The following ERBIN variants were observed in gnomAD, a reference collection of about 807,000 sequenced individuals.
The protein encoded by ERBIN is densin-180-like protein.
Under a neutral mutation model 158.4 loss-of-function variants are expected in ERBIN, and 60 were observed. That is an observed-to-expected ratio of 0.38 (90% CI 0.31 to 0.47). The LOEUF (loss-of-function observed/expected upper bound fraction) is 0.47, where lower values mean the gene tolerates loss of function less well. Ranked by LOEUF, ERBIN falls within the 20% of genes least tolerant of loss-of-function variation. The pLI is 0.99. For missense variants in ERBIN, 1,610 were observed against 1,648.0 expected, an observed-to-expected ratio of 0.98 and a Z score of 0.40; for synonymous variants, 594 against 557.2, an observed-to-expected ratio of 1.07 and a Z score of -0.93.
intron 1 of ERBIN, among the ~76,000 whole-genome samples, chr5:65,947,808 A>G (rs1272490070): frequency 1.3e-5 from 2 of 152,162 alleles, no homozygotes; most frequent in East Asian, 3.9e-4. Context: ...GGAGTTTGAA[A>G]CCAACCTGGC....
At chr5:66,077,277 A>G (rs1459448728) in intron 25 of ERBIN, among the ~76,000 whole-genome samples, 1 of 152,132 alleles carries the variant, frequency 6.6e-6, no homozygotes, top group Non-Finnish European at 1.5e-5. Context: ...CCTTTCAGAA[A>G]TGGAGAAGAA....
intron 21 of ERBIN, among the ~76,000 whole-genome samples, chr5:66,066,152 T>A (rs1001112233): frequency 1.9e-4 from 29 of 152,176 alleles, no homozygotes; most frequent in Admixed American, 1.8e-3. Context: ...TGCTTATTCA[T>A]TAGATGGTGT....
At chr5:66,018,452 T>C (rs1412746355) in intron 7 of ERBIN, among the ~76,000 whole-genome samples, 1 of 30,372 alleles carries the variant, frequency 3.3e-5, no homozygotes, top group Non-Finnish European at 6.2e-5. Context: ...ATATAATATA[T>C]ATTATATTAT....
chr5:65,928,349 T>C (rs1207337877), intron 1 of ERBIN, among the ~76,000 whole-genome samples: 1 of 152,218 alleles, frequency 6.6e-6, no homozygotes, highest in African/African-American at 2.4e-5. Flanking sequence ...TCATCTACTT[T>C]ATGATTTTGG....
intron 7 of ERBIN, among the ~76,000 whole-genome samples, chr5:66,020,772 A>G (rs1385767639): frequency 1.3e-5 from 2 of 152,026 alleles, no homozygotes; most frequent in African/African-American, 2.4e-5. Context: ...TTTATTTAAA[A>G]TAAATGTCAA....
At position 66,028,169 on chromosome 5, in the gene ERBIN, G is replaced by C. The variant is rs116458506; in HGVS notation, c.1137-105G>C. The stretch of plus-strand genomic sequence containing the variant: ...CGATTTTTTTTTCTCCTATTTTCAT[G>C]TGCAACTATATAGCATTTTTCAGAA... On this transcript the variant is annotated intron_variant, in intron 13 of 25. Coordinates refer to ENST00000284037, the MANE Select transcript of ERBIN (RefSeq NM_001253697.2). 18 of 651,642 alleles carry C rather than the reference G, an allele frequency of 2.8e-5. No individual in the cohort carries two copies. The East Asian group carries it at 5.2e-4, about 19-fold the overall frequency. 40.4% of individuals were successfully genotyped at this position (651,642 alleles called of 1,614,324 possible).
chr5:66,072,511 T>C (rs561262423), intron 22 of ERBIN, among the ~76,000 whole-genome samples: 111 of 152,332 alleles, frequency 7.3e-4, no homozygotes, highest in African/African-American at 2.5e-3. Context: ...GAGAATTATT[T>C]TATTTTTGCA....
chr5:66,056,021 C>T (rs1199852611), intron 21 of ERBIN, among the ~76,000 whole-genome samples: 1 of 152,020 alleles, frequency 6.6e-6, no homozygotes, highest in African/African-American at 2.4e-5. Context: ...GCTATTTGAA[C>T]TTTTGTGCTT....
At chr5:66,072,444 A>G (rs925371695) in intron 22 of ERBIN, 153 bp downstream of exon 22, 2 of 761,734 alleles carry the variant, frequency 2.6e-6, no homozygotes, top group African/African-American at 3.6e-5. Context: ...AGAAATACAA[A>G]ATAGAATTTG....
chr5:66,058,817 G>C (rs943629935), intron 21 of ERBIN, among the ~76,000 whole-genome samples: 2 of 151,562 alleles, frequency 1.3e-5, no homozygotes, highest in African/African-American at 4.9e-5. Context: ...TCTTGTTTTT[G>C]TCAGGTTTGT....
intron 8 of ERBIN, 103 bp downstream of exon 8, chr5:66,021,488 T>A (rs1755682340): frequency 2.3e-6 from 2 of 881,540 alleles, no homozygotes; most frequent in Non-Finnish European, 3.3e-6. Flanking sequence ...AAGGTTTACT[T>A]TTTTTTCTTA....
chr5:66,028,174 A>C, intron 13 of ERBIN, 100 bp from the exon 14 acceptor site: 5 of 723,430 alleles, frequency 6.9e-6, no homozygotes, highest in Non-Finnish European at 1.1e-5. Context: ...TTCATGTGCA[A>C]CTATATAGCA....
At chr5:66,068,788 T>G (rs1213755362) in intron 21 of ERBIN, 2 of 1,167,478 alleles carry the variant, frequency 1.7e-6, no homozygotes, top group Non-Finnish European at 2.3e-6. Flanking sequence ...GTTTTGGGGT[T>G]ACTTGTAAAT....
intron 21 of ERBIN, among the ~76,000 whole-genome samples, chr5:66,067,136 T>C (rs1308704555): frequency 6.6e-6 from 1 of 152,218 alleles, no homozygotes; most frequent in Non-Finnish European, 1.5e-5. Flanking sequence ...AACCTCCAGA[T>C]TGCCTCGTTA....
intron 1 of ERBIN, among the ~76,000 whole-genome samples, chr5:65,957,789 G>A (rs982109699): frequency 8.6e-5 from 13 of 152,004 alleles, no homozygotes; most frequent in African/African-American, 2.9e-4. Flanking sequence ...CAGAAGGGGC[G>A]GCAGGGCAGA....
intron 1 of ERBIN, among the ~76,000 whole-genome samples, chr5:65,978,978 G>A (rs896464442): frequency 5.9e-5 from 9 of 152,108 alleles, no homozygotes; most frequent in African/African-American, 1.7e-4. Flanking sequence ...ACTGTGGGTC[G>A]GTGATGGGGA....
At chr5:66,052,481 G>A (rs745720293) in intron 20 of ERBIN, among the ~76,000 whole-genome samples, 11 of 151,890 alleles carry the variant, frequency 7.2e-5, no homozygotes, top group Non-Finnish European at 4.4e-5. Context: ...AGATATTATC[G>A]TATTAATTTG....
rs1759399977 is a variant in ERBIN at position 66,054,577 on chromosome 5, A to C, written c.3259A>C (p.Asn1087His). 6.2e-7 allele frequency: 1 copy of C among 1,614,170 alleles called. No individual in the cohort carries two copies. The highest frequency in any genetic ancestry group is 1.7e-5 in the Admixed American group (1 of 60,012). ...QSSVSSTASV[N>H]LGDPGSTRRA... ...TAGTGTGTCCTCCACAGCCTCTGTA[A>C]ATCTTGGTGATCCAGGCTCTACAAG... Residue 1087 changes from asparagine (N) to histidine (H), a missense_variant, in exon 21 of 26, where the codon AAT becomes CAT. Transcript: ENST00000284037.
intron 20 of ERBIN, among the ~76,000 whole-genome samples, chr5:66,052,884 A>G (rs1759184461): frequency 6.6e-6 from 1 of 152,204 alleles, no homozygotes; most frequent in South Asian, 2.1e-4. Context: ...TTTGCTTTGT[A>G]CAATTTTCTT....
Sources: allele counts gnomAD v4.1 joint callset (sites outside exome capture counted in the v4.1 genomes callset), GRCh38; gene constraint gnomAD v4.1.1; transcripts MANE v1.5; gene names NCBI Gene and HGNC (gene_info 2026-07-23, HGNC 2026-07-21).